ZNF75D: variants seen among roughly 807,000 people sequenced by gnomAD.
ZNF75D encodes zinc finger protein 75.
ZNF75D carries 33 observed loss-of-function variants against 33.3 expected under a neutral mutation model. That is an observed-to-expected ratio of 0.99 (90% CI 0.75 to 1.32). The LOEUF (loss-of-function observed/expected upper bound fraction) is 1.32, where lower values mean the gene tolerates loss of function less well. Ranked by LOEUF, ZNF75D falls within the 40% of genes most tolerant of loss-of-function variation. ZNF75D has a pLI of 0.00. For synonymous variants in ZNF75D, 113 were observed against 130.6 expected (o/e 0.87, Z 0.92); for missense variants, 338 against 367.5 (o/e 0.92, Z 0.66).
chrX:135,338,109 G>A (rs1556443136), intron 1 of ZNF75D, among the ~76,000 whole-genome samples: 1 of 111,278 alleles, frequency 9.0e-6, no homozygotes, highest in Non-Finnish European at 1.9e-5. Context: ...GAGCAGAGGA[G>A]GAAGCAACAG....
chrX:135,281,078 A>G (rs1366463569), downstream of ZNF75D, among the ~76,000 whole-genome samples: 1 of 111,301 alleles, frequency 9.0e-6, no homozygotes, highest in Non-Finnish European at 1.9e-5. Flanking sequence ...TATCCTGAAG[A>G]GTGTTTTCCA....
In ZNF75D at chrX:135,287,060, G is replaced by C; in HGVS notation, c.*77C>G. ...CTTCCCAAATGTTTTATTAATCACA[G>C]ATTCCTATCATTGGGTGCCTCATAA... On this transcript the variant is annotated 3_prime_UTR_variant, in exon 7 of 7. Coordinates refer to ENST00000370766, the MANE Select transcript of ZNF75D (RefSeq NM_007131.5). 1.2e-6 allele frequency: 1 copy of C among 834,994 alleles called. No individual in the cohort carries two copies. Among genetic ancestry groups the C allele is most frequent in the Non-Finnish European group, 1.7e-6 (1 of 575,677 alleles). The allele number at this position is 834,994 out of a possible 1,213,427, so 68.8% of individuals were successfully genotyped here.
intron 1 of ZNF75D, among the ~76,000 whole-genome samples, chrX:135,305,211 G>A (rs1466583382): frequency 9.0e-6 from 1 of 111,329 alleles, no homozygotes; most frequent in East Asian, 2.8e-4. Context: ...TGCCCACACT[G>A]GTAACCTGCT....
chrX:135,287,926 G>A (rs782117843), intron 6 of ZNF75D, 80 bp from the exon 7 acceptor site: 1 of 786,823 alleles, frequency 1.3e-6, no homozygotes, highest in East Asian at 3.2e-5. Context: ...AGTCAATGAT[G>A]ATTGCTTTAA....
chrX:135,277,796 G>C (rs1171648635), intron 1 of ZNF75D, among the ~76,000 whole-genome samples: 1 of 111,873 alleles, frequency 8.9e-6, no homozygotes, highest in Admixed American at 9.5e-5. Context: ...TCAGATGGTT[G>C]TAGATGTGTG....
chrX:135,285,591 A>G (rs1173616315), downstream of ZNF75D, among the ~76,000 whole-genome samples: 1 of 112,724 alleles, frequency 8.9e-6, no homozygotes, highest in Non-Finnish European at 1.9e-5. Flanking sequence ...AAAGTTCCAA[A>G]TGTTTAGGAA....
chrX:135,292,429 T>A lies in ZNF75D; in HGVS notation c.456A>T (p.Gly152=). The A allele has an allele frequency of 1.7e-6, 2 of 1,211,508 alleles. No homozygotes were observed. Among genetic ancestry groups the A allele is most frequent in the Non-Finnish European group, 2.2e-6 (2 of 895,438 alleles). ...ELGKEAVLLG[G]TAVAPGFKWK... is the part of the protein sequence containing the mutation. ...ACTTGAAGCCTGGGGCCACTGCTGT[T>A]CCTCCCAAGAGCACTGCCTCCTTTC... The change falls in exon 4 of 7, where the codon GGA becomes GGT. Residue 152 remains glycine (G), a synonymous_variant. Transcript: ENST00000370766.
At chrX:135,288,171 A>T (rs1373835276) in intron 6 of ZNF75D, among the ~76,000 whole-genome samples, 3 of 112,570 alleles carry the variant, frequency 2.7e-5, no homozygotes, top group Non-Finnish European at 5.6e-5. Context: ...GGCAACTATC[A>T]ACAGAAGGCT....
chrX:135,256,729 T>C (rs1431373644), intron 1 of ZNF75D, among the ~76,000 whole-genome samples: 3 of 110,955 alleles, frequency 2.7e-5, no homozygotes, highest in East Asian at 5.7e-4. Flanking sequence ...AATTAAAACG[T>C]CCCCTTACTT....
At position 135,295,791 on chromosome X, in the gene ZNF75D, G is replaced by A. The variant is rs938825461; in HGVS notation, c.-142C>T. Reference sequence around the variant, plus strand: ...ACCTTCAGTCAGCTCTGGCTTCCCCGGAGGCCACTTTCCTCTTCCTCGGCT... The same window carrying A: ...ACCTTCAGTCAGCTCTGGCTTCCCCAGAGGCCACTTTCCTCTTCCTCGGCT... On this transcript the variant is annotated 5_prime_UTR_variant, in exon 2 of 7. Coordinates refer to ENST00000370766, the MANE Select transcript of ZNF75D (RefSeq NM_007131.5). 1 of 112,154 alleles carries A rather than the reference G, an allele frequency of 8.9e-6. No individual in the cohort carries two copies. The highest frequency in any genetic ancestry group is 1.9e-5 in the Non-Finnish European group (1 of 53,183). 9.2% of individuals were successfully genotyped at this position (112,154 alleles called of 1,213,427 possible). A position where few individuals can be genotyped will look rare whatever the true frequency, so the allele number is the denominator to read the frequency against.
intron 1 of ZNF75D, among the ~76,000 whole-genome samples, chrX:135,269,037 G>T (rs1181290391): frequency 8.9e-6 from 1 of 111,743 alleles, no homozygotes; most frequent in African/African-American, 3.2e-5. Flanking sequence ...CGGAAACCTG[G>T]ATATCCATAA....
chrX:135,295,005 C>A (rs1038381626), intron 2 of ZNF75D, among the ~76,000 whole-genome samples: 1 of 111,712 alleles, frequency 9.0e-6, no homozygotes, highest in African/African-American at 3.3e-5. Flanking sequence ...TCTTCCTTTA[C>A]ATATATACAA....
chrX:135,326,519 G>A (rs2084579523), intron 1 of ZNF75D, among the ~76,000 whole-genome samples: 1 of 112,193 alleles, frequency 8.9e-6, no homozygotes, highest in South Asian at 3.7e-4. Flanking sequence ...CAGGATGTGG[G>A]TGGGGCCAGA....
intron 1 of ZNF75D, among the ~76,000 whole-genome samples, chrX:135,300,475 C>T (rs2084199712): frequency 1.8e-5 from 2 of 111,455 alleles, no homozygotes; most frequent in African/African-American, 6.5e-5. Context: ...TGGCTGCGTG[C>T]GGTGGCTCAT....
intron 1 of ZNF75D, among the ~76,000 whole-genome samples, chrX:135,317,180 G>A (rs781980313): frequency 8.9e-6 from 1 of 111,948 alleles, no homozygotes; most frequent in South Asian, 3.7e-4. Context: ...CACTTTGGCT[G>A]TTATTCTGGG....
chrX:135,318,808 G>A (rs1032005347), intron 1 of ZNF75D, among the ~76,000 whole-genome samples: 1 of 111,490 alleles, frequency 9.0e-6, no homozygotes, highest in South Asian at 3.7e-4. Flanking sequence ...TTTAGTACAG[G>A]AGGTCAAAGA....
intron 1 of ZNF75D, among the ~76,000 whole-genome samples, chrX:135,309,850 T>A (rs782128775): frequency 6.3e-5 from 7 of 111,967 alleles, no homozygotes; most frequent in Non-Finnish European, 1.1e-4. Context: ...TTACTTGGGT[T>A]ACACTGGAAG....
At chrX:135,288,501 T>C (rs1556420385) in intron 6 of ZNF75D, among the ~76,000 whole-genome samples, 1 of 112,667 alleles carries the variant, frequency 8.9e-6, no homozygotes, top group South Asian at 3.6e-4. Context: ...TTTCTATTTA[T>C]TACAACTGGA....
chrX:135,286,170 C>G lies in ZNF75D; in HGVS notation c.*967G>C, dbSNP rs1556419340. On this transcript the variant is annotated 3_prime_UTR_variant, in exon 7 of 7. Transcript: ENST00000370766. ...CTAAAAGTTCACAAGGCTCTCCTTG[C>G]CATTCTCAATAAATCAGTTTTGCAA... 1 of 111,871 alleles carries G rather than the reference C, an allele frequency of 8.9e-6. No homozygotes were observed. Among genetic ancestry groups the G allele is most frequent in the Non-Finnish European group, 1.9e-5 (1 of 53,184 alleles). 9.2% of individuals were successfully genotyped at this position (111,871 alleles called of 1,213,427 possible).
Sources: gnomAD v4.1 joint callset for allele counts (sites outside exome capture counted in the v4.1 genomes callset) on GRCh38, gnomAD v4.1.1 for gene constraint, MANE v1.5 for transcripts, NCBI Gene and HGNC (gene_info 2026-07-23, HGNC 2026-07-21) for gene names.